MOXD1: variants seen among roughly 807,000 people sequenced by gnomAD.
MOXD1 encodes the protein DBH-like monooxygenase protein 1.
Under a neutral mutation model 66.6 loss-of-function variants are expected in MOXD1, and 62 were observed. The observed-to-expected ratio is 0.93, with a 90% CI of 0.76 to 1.15. The LOEUF (loss-of-function observed/expected upper bound fraction) is 1.15, where lower values mean the gene tolerates loss of function less well. Among genes scored for constraint, MOXD1 ranks in the 50% most tolerant of loss-of-function variants. The pLI is 0.00. For synonymous variants in MOXD1, 303 were observed against 281.9 expected (o/e 1.07, Z -0.75); for missense variants, 847 against 754.6 (o/e 1.12, Z -1.44).
chr6:132,331,392 A>G (rs965594818), intron 4 of MOXD1, among the ~76,000 whole-genome samples: 4 of 152,182 alleles, frequency 2.6e-5, no homozygotes, highest in Non-Finnish European at 5.9e-5. Flanking sequence ...AGTGGCCTTC[A>G]TTGAAGTAGA....
intron 1 of MOXD1, among the ~76,000 whole-genome samples, chr6:132,382,075 G>A (rs893814875): frequency 9.2e-5 from 14 of 151,954 alleles, no homozygotes; most frequent in African/African-American, 2.2e-4. Context: ...GTGCACTCTC[G>A]TTGTCATGGC....
At position 132,349,443 on chromosome 6, in the gene MOXD1, A is replaced by AGG. The variant is rs1251033005; in HGVS notation, c.664-20850_664-20849insCC. ...TATACATATATATATATACATATAT[A>AGG]TATATATACATATATATATATACAT... On this transcript the variant is annotated intron_variant, in intron 4 of 11. Transcript: ENST00000367963. Among the ~76,000 whole-genome samples the AGG allele has an allele frequency of 1.0e-4, 6 of 57,188 alleles. 2 individuals are homozygous for AGG. The highest frequency in any genetic ancestry group is 5.6e-4 in the African/African-American group (4 of 7,182). 37.5% of individuals were successfully genotyped at this position (57,188 alleles called of 152,430 possible). A position where few individuals can be genotyped will look rare whatever the true frequency, so the allele number is the denominator to read the frequency against.
chr6:132,358,939 A>G (rs1233709644), intron 4 of MOXD1, among the ~76,000 whole-genome samples: 1 of 152,160 alleles, frequency 6.6e-6, no homozygotes, highest in East Asian at 1.9e-4. Flanking sequence ...AACCTTTTCT[A>G]TAAAAAAACC....
chr6:132,336,294 C>G (rs189883920), intron 4 of MOXD1, among the ~76,000 whole-genome samples: 5 of 152,274 alleles, frequency 3.3e-5, no homozygotes, highest in African/African-American at 1.2e-4. Flanking sequence ...CAAGTTGCTG[C>G]CCACATAAAA....
rs777106492 is a variant in MOXD1 at position 132,315,731 on chromosome 6, T to C, written c.1412A>G (p.Tyr471Cys). ...TCGAGTAAGATTAATTCTTGGGTAA[T>C]AAAGAAGGTATGAGAGACACATTTC... ...RSEMCLSYLLYYPRINLTRCA... is the reference protein window; with the variant it reads ...RSEMCLSYLLCYPRINLTRCA... The change falls in exon 10 of 12, where the codon TAT (tyrosine) becomes TGT (cysteine). Residue 471 changes from tyrosine (Y) to cysteine (C), a missense_variant. By Grantham distance (194) the Tyr-to-Cys change is radical. Coordinates refer to ENST00000367963, the MANE Select transcript of MOXD1 (RefSeq NM_015529.4). 6.2e-7 allele frequency: 1 copy of C among 1,613,514 alleles called. No homozygotes were observed. The highest frequency in any genetic ancestry group is 8.5e-7 in the Non-Finnish European group (1 of 1,179,564).
intron 4 of MOXD1, among the ~76,000 whole-genome samples, chr6:132,369,174 T>C (rs1446488241): frequency 6.6e-6 from 1 of 152,076 alleles, no homozygotes; most frequent in African/African-American, 2.4e-5. Flanking sequence ...CTGCAACTAT[T>C]CCCCACTTGC....
At chr6:132,324,618 A>G (rs1487123546) in intron 6 of MOXD1, among the ~76,000 whole-genome samples, 1 of 152,192 alleles carries the variant, frequency 6.6e-6, no homozygotes, top group Non-Finnish European at 1.5e-5. Flanking sequence ...TTCAACAGCC[A>G]TTCAATCAAC....
chr6:132,366,260 A>C (rs1469673337), intron 4 of MOXD1, among the ~76,000 whole-genome samples: 1 of 152,174 alleles, frequency 6.6e-6, no homozygotes, highest in East Asian at 1.9e-4. Flanking sequence ...AAATAAATAG[A>C]GTTAAATAAG....
chr6:132,380,435 C>G (rs1000457301), intron 1 of MOXD1, among the ~76,000 whole-genome samples: 2 of 152,128 alleles, frequency 1.3e-5, no homozygotes, highest in African/African-American at 2.4e-5. Flanking sequence ...TCCCCCTACT[C>G]TCTTCATTCA....
chr6:132,317,293 C>T (rs1173780242), intron 9 of MOXD1, among the ~76,000 whole-genome samples: 1 of 152,088 alleles, frequency 6.6e-6, no homozygotes, highest in Non-Finnish European at 1.5e-5. Context: ...ATTGCAAAAA[C>T]ATGATGTTTT....
intron 1 of MOXD1, among the ~76,000 whole-genome samples, chr6:132,387,804 G>A (rs1226855943): frequency 1.4e-5 from 2 of 146,078 alleles, no homozygotes; most frequent in African/African-American, 2.5e-5. Context: ...AAAATATTTA[G>A]GATTATAACT....
chr6:132,335,781 T>G (rs533462499), intron 4 of MOXD1, among the ~76,000 whole-genome samples: 1 of 152,368 alleles, frequency 6.6e-6, no homozygotes, highest in African/African-American at 2.4e-5. Context: ...TTTGGAGATT[T>G]GTACATTTCT....
Position 132,319,251 on chromosome 6 carries a change from G to C in MOXD1, c.1365+1378C>G, listed in dbSNP as rs539910390. On this transcript the variant is annotated intron_variant, in intron 9 of 11. Transcript: ENST00000367963. ...ATATTTGCAGCCTTGGTCTGGTGAA[G>C]ATTTCTTAGCTAGAATACCAAAACC... Among the ~76,000 whole-genome samples, 4 of 151,976 alleles carry C rather than the reference G, an allele frequency of 2.6e-5. No individual in the cohort carries two copies. The South Asian group carries it at 8.3e-4, about 32-fold the overall frequency.
Position 132,297,154 on chromosome 6 carries a change from C to T in MOXD1, c.1841G>A (p.Ter614=), listed in dbSNP as rs758680892. The T allele has an allele frequency of 1.9e-6, 3 of 1,612,722 alleles. No homozygotes were observed. Among genetic ancestry groups the T allele is most frequent in the Admixed American group, 3.3e-5 (2 of 59,792 alleles). Residue 614 remains the stop codon, a stop_retained_variant, in exon 12 of 12, where the codon TGA becomes TAA. Transcript: ENST00000367963. ...LSCTLSTKSL[*] is the part of the protein sequence containing the mutation. ...TTGTCAAGTCCAACAGAATTTTGAT[C>T]ACAAGCTCTTGGTGCTCAGCGTGCA...
At chr6:132,308,334 C>A (rs1019236388) in intron 10 of MOXD1, among the ~76,000 whole-genome samples, 1 of 152,032 alleles carries the variant, frequency 6.6e-6, no homozygotes, top group African/African-American at 2.4e-5. Flanking sequence ...AAGTTGAATC[C>A]CTGAATAGAC....
chr6:132,301,641 C>T, intron 10 of MOXD1, among the ~76,000 whole-genome samples: 1 of 152,018 alleles, frequency 6.6e-6, no homozygotes, highest in East Asian at 1.9e-4. Flanking sequence ...AGTCCATGTA[C>T]TTATAGCTAA....
intron 4 of MOXD1, among the ~76,000 whole-genome samples, chr6:132,339,135 A>G (rs948017122): frequency 6.6e-6 from 1 of 152,206 alleles, no homozygotes. Flanking sequence ...ATCTCAATAT[A>G]TTAAGGATTT....
intron 10 of MOXD1, among the ~76,000 whole-genome samples, chr6:132,307,730 T>C (rs1774726846): frequency 6.6e-6 from 1 of 152,014 alleles, no homozygotes; most frequent in Non-Finnish European, 1.5e-5. Flanking sequence ...CTCAAAACCA[T>C]ACAATTAATG....
At chr6:132,388,565 C>T (rs758401631) in intron 1 of MOXD1, among the ~76,000 whole-genome samples, 3 of 151,446 alleles carry the variant, frequency 2.0e-5, no homozygotes, top group Admixed American at 6.6e-5. Context: ...ACTCTTCCTC[C>T]TCCTCCCTTC....
Sources: allele counts gnomAD v4.1 joint callset (sites outside exome capture counted in the v4.1 genomes callset), GRCh38; gene constraint gnomAD v4.1.1; transcripts MANE v1.5; gene names NCBI Gene and HGNC (gene_info 2026-07-23, HGNC 2026-07-21).